Variants in CDC5L observed in about 807,000 individuals in gnomAD.
CDC5L encodes the protein cell division cycle 5 like.
Under a neutral mutation model 104.1 loss-of-function variants are expected in CDC5L, and 18 were observed. The ratio of observed to expected loss-of-function variants is 0.17; its 90% CI spans 0.12 to 0.26. The LOEUF is 0.26. Among genes scored for constraint, CDC5L ranks in the 10% least tolerant of loss-of-function variants. CDC5L has a pLI of 1.00. For synonymous variants in CDC5L, 331 were observed against 322.7 expected, an observed-to-expected ratio of 1.03 and a Z score of -0.28; for missense variants, 673 against 956.9, an observed-to-expected ratio of 0.70 and a Z score of 3.91.
intron 4 of CDC5L, among the ~76,000 whole-genome samples, chr6:44,395,034 A>G (rs1053434339): frequency 7.9e-5 from 12 of 152,306 alleles, no homozygotes; most frequent in East Asian, 1.9e-4. Flanking sequence ...CAAATACTGC[A>G]TATTCTTCCT....
intron 14 of CDC5L, chr6:44,435,628 C>T (rs1172906003): frequency 6.5e-6 from 1 of 153,398 alleles, no homozygotes; most frequent in Non-Finnish European, 1.5e-5. Flanking sequence ...GTGTATTGGA[C>T]TTTCAAATAG....
At chr6:44,401,923 C>A (rs1463316773) in intron 5 of CDC5L, among the ~76,000 whole-genome samples, 62 of 134,560 alleles carry the variant, frequency 4.6e-4, no homozygotes, top group African/African-American at 1.6e-3. Context: ...TTTGTTCTTG[C>A]GATAGTTTAC....
chr6:44,444,611 TA>T (rs1023640771), intron 14 of CDC5L, among the ~76,000 whole-genome samples: 12 of 152,164 alleles, frequency 7.9e-5, no homozygotes, highest in African/African-American at 2.9e-4. Flanking sequence ...TATGCAGTTA[TA>T]AACCCTTTTT....
chr6:44,393,168 T>G (rs1371208681), intron 3 of CDC5L, among the ~76,000 whole-genome samples: 1 of 149,408 alleles, frequency 6.7e-6, no homozygotes, highest in African/African-American at 2.4e-5. Context: ...CTAATAGTTT[T>G]TTTTTTTTTT....
chr6:44,404,590 T>C (rs951004711), intron 6 of CDC5L, among the ~76,000 whole-genome samples: 4 of 152,256 alleles, frequency 2.6e-5, no homozygotes, highest in Non-Finnish European at 5.9e-5. Context: ...ATTGACTGTT[T>C]ACTCTTTGAA....
intron 5 of CDC5L, among the ~76,000 whole-genome samples, chr6:44,400,776 T>C (rs1196573817): frequency 1.3e-5 from 2 of 152,216 alleles, no homozygotes; most frequent in African/African-American, 4.8e-5. Context: ...CACCCTGGGA[T>C]AGCATGGTTT....
Position 44,446,588 on chromosome 6 carries a change from T to G in CDC5L, c.2305-19T>G. Reference sequence around the variant, plus strand: ...GTATAGTTACATCTAAAATAATTACTTAATTTTTTTTCTTTAAGTGTCTAA... The same window carrying G: ...GTATAGTTACATCTAAAATAATTACGTAATTTTTTTTCTTTAAGTGTCTAA... On this transcript the variant is annotated intron_variant, in intron 15 of 15. Transcript: ENST00000371477. The G allele has an allele frequency of 7.9e-7, 1 of 1,262,638 alleles. No homozygotes were observed. Among genetic ancestry groups the G allele is most frequent in the Non-Finnish European group, 1.1e-6 (1 of 896,692 alleles). The allele number at this position is 1,262,638 out of a possible 1,614,324, so 78.2% of individuals were successfully genotyped here. A position where few individuals can be genotyped will look rare whatever the true frequency, so the allele number is the denominator to read the frequency against.
rs775627306 is a variant in CDC5L, at chr6:44,396,321, T to C, written c.440-20T>C. The stretch of plus-strand genomic sequence containing the variant: ...AAGAACTAAGAAAATACTTAGTTTT[T>C]CTTCTTTTAATTTTTGCAGATGAAC... On this transcript the variant is annotated intron_variant, in intron 4 of 15. Transcript: ENST00000371477. 8 of 1,564,268 alleles carry C rather than the reference T, an allele frequency of 5.1e-6. No individual in the cohort carries two copies. Among genetic ancestry groups the C allele is most frequent in the Non-Finnish European group, 6.1e-6 (7 of 1,141,396 alleles).
At chr6:44,439,048 C>A (rs1437656283) in intron 14 of CDC5L, among the ~76,000 whole-genome samples, 1 of 152,164 alleles carries the variant, frequency 6.6e-6, no homozygotes, top group Non-Finnish European at 1.5e-5. Context: ...AACCATTAAT[C>A]TACTTTTTGT....
At chr6:44,429,580 C>T (rs1467489865) in intron 13 of CDC5L, 133 bp from the exon 14 acceptor site, 3 of 677,766 alleles carry the variant, frequency 4.4e-6, no homozygotes, top group East Asian at 2.7e-5. Context: ...TTGTTATCCA[C>T]CCTTCCAAAA....
rs1790715318 is a variant in CDC5L at position 44,393,516 on chromosome 6, A to G, written c.382A>G (p.Ile128Val). ...DDPRKLKPGE[I>V]DPNPETKPAR... ...TCCACGAAAACTTAAACCTGGAGAA[A>G]TAGATCCAAATCCAGAAACAAAACC... Residue 128 changes from isoleucine (I) to valine (V), a missense_variant, in exon 4 of 16, where the codon ATA becomes GTA. This residue lies in a region of CDC5L where 74 missense variants were observed against 123.5 expected (regional missense o/e 0.60). Coordinates refer to ENST00000371477, the MANE Select transcript of CDC5L (RefSeq NM_001253.4). 1.2e-6 allele frequency: 2 copies of G among 1,613,996 alleles called. No homozygotes were observed. The highest frequency in any genetic ancestry group is 3.3e-5 in the Admixed American group (2 of 60,006).
intron 14 of CDC5L, among the ~76,000 whole-genome samples, chr6:44,437,809 A>G (rs1759106041): frequency 6.6e-6 from 1 of 152,236 alleles, no homozygotes; most frequent in African/African-American, 2.4e-5. Flanking sequence ...GTTATCAATG[A>G]AAATGTTAAT....
At chr6:44,411,560 C>CT (rs1791624690) in intron 8 of CDC5L, among the ~76,000 whole-genome samples, 1 of 151,754 alleles carries the variant, frequency 6.6e-6, no homozygotes, top group African/African-American at 2.4e-5. Flanking sequence ...TTTTTGTACT[C>CT]TCTTCAGAGA....
intron 14 of CDC5L, among the ~76,000 whole-genome samples, chr6:44,445,236 A>G (rs1192355603): frequency 6.6e-6 from 1 of 152,122 alleles, no homozygotes; most frequent in African/African-American, 2.4e-5. Flanking sequence ...TGGAAATTAT[A>G]AAAGTTGGGG....
rs377193602 is a variant in CDC5L at position 44,429,719 on chromosome 6, G to A, written c.1900G>A (p.Asp634Asn). The change falls in exon 14 of 16, where the codon GAT (aspartate) becomes AAT (asparagine). Residue 634 changes from aspartate (D) to asparagine (N), a missense_variant. By Grantham distance (23) the Asp-to-Asn change is conservative (BLOSUM62 1). This residue lies in a region of CDC5L where 578 missense variants were observed against 737.0 expected (regional missense o/e 0.78). Transcript: ENST00000371477. The part of the protein sequence containing the change: ...FSKEELKKAQ[D>N]VLVQEMEVVK... Reference sequence around the variant, plus strand: ...AAATTATTATTGTAAACAGGCCCAGGATGTTTTGGTGCAGGAGATGGAAGT... The same window carrying A: ...AAATTATTATTGTAAACAGGCCCAGAATGTTTTGGTGCAGGAGATGGAAGT... The A allele has an allele frequency of 2.5e-6, 4 of 1,613,506 alleles. No homozygotes were observed. Among genetic ancestry groups the A allele is most frequent in the Middle Eastern group, 1.7e-4 (1 of 6,060 alleles).
chr6:44,442,374 G>GT (rs1328927038), intron 14 of CDC5L, among the ~76,000 whole-genome samples: 91 of 135,872 alleles, frequency 6.7e-4, no homozygotes, highest in African/African-American at 2.6e-3. Context: ...GTGTGTGTAT[G>GT]TTGTGTGTGT....
intron 2 of CDC5L, among the ~76,000 whole-genome samples, chr6:44,391,449 C>T (rs1479028437): frequency 4.0e-5 from 6 of 151,846 alleles, no homozygotes; most frequent in African/African-American, 7.3e-5. Flanking sequence ...GGAGTTTCGC[C>T]GTGTTAGCCA....
At chr6:44,399,557 A>G (rs1187719184) in intron 5 of CDC5L, among the ~76,000 whole-genome samples, 2 of 152,142 alleles carry the variant, frequency 1.3e-5, no homozygotes, top group Admixed American at 1.3e-4. Context: ...TAGATTGCAT[A>G]ATTGTTACTG....
intron 11 of CDC5L, among the ~76,000 whole-genome samples, chr6:44,425,419 T>A (rs1159758644): frequency 2.6e-5 from 4 of 152,172 alleles, no homozygotes; most frequent in Non-Finnish European, 5.9e-5. Context: ...GGTCTCAACT[T>A]TCTCAGGTCT....
Sources: gnomAD v4.1 joint callset for allele counts (sites outside exome capture counted in the v4.1 genomes callset) on GRCh38, gnomAD v4.1.1 for gene constraint, gnomAD v4.1.1 regional missense constraint, MANE v1.5 for transcripts, NCBI Gene and HGNC (gene_info 2026-07-23, HGNC 2026-07-21) for gene names.